The following DOCK4 variants were observed in gnomAD, a reference collection of about 807,000 sequenced individuals.
The protein encoded by DOCK4 is dedicator of cytokinesis protein 4.
In DOCK4, 97 loss-of-function variants were observed where a neutral mutation model predicts 268.1. The observed-to-expected ratio is 0.36, with a 90% CI of 0.31 to 0.43. The LOEUF is 0.43. Among genes scored for constraint, DOCK4 ranks in the 20% least tolerant of loss-of-function variants. The pLI, the probability that DOCK4 is intolerant of heterozygous loss-of-function variation, is 1.00. For missense variants in DOCK4, 2,145 were observed against 2,455.7 expected, an observed-to-expected ratio of 0.87 and a Z score of 2.67; for synonymous variants, 954 against 887.2, an observed-to-expected ratio of 1.08 and a Z score of -1.34.
At chr7:112,017,542 CTG>C (rs1801916383) in intron 1 of DOCK4, among the ~76,000 whole-genome samples, 1 of 152,226 alleles carries the variant, frequency 6.6e-6, no homozygotes, top group African/African-American at 2.4e-5. Context: ...TTCCTCAGTA[CTG>C]TGTTTCTCCA....
intron 1 of DOCK4, among the ~76,000 whole-genome samples, chr7:112,031,131 C>A (rs1042594301): frequency 3.3e-5 from 5 of 152,180 alleles, no homozygotes; most frequent in African/African-American, 1.2e-4. Flanking sequence ...ATCAAAGAAT[C>A]AGACACTAGC....
At chr7:112,181,792 T>A (rs1819070228) in intron 1 of DOCK4, among the ~76,000 whole-genome samples, 1 of 152,100 alleles carries the variant, frequency 6.6e-6, no homozygotes, top group African/African-American at 2.4e-5. Context: ...GATTGAACGG[T>A]ACGTGCACTT....
At chr7:111,896,113 A>G (rs1333838716) in intron 15 of DOCK4, among the ~76,000 whole-genome samples, 2 of 152,216 alleles carry the variant, frequency 1.3e-5, no homozygotes, top group East Asian at 1.9e-4. Context: ...AAGTGAATGA[A>G]TGAAAGTGAA....
chr7:112,204,115 C>A (rs1821176204), intron 1 of DOCK4, among the ~76,000 whole-genome samples: 1 of 152,118 alleles, frequency 6.6e-6, no homozygotes. Flanking sequence ...GAGGTGTCTG[C>A]TGCAGCCCAA....
At chr7:111,812,026 T>A in intron 27 of DOCK4, 77 bp from the exon 28 acceptor site, 1 of 744,550 alleles carries the variant, frequency 1.3e-6, no homozygotes, top group Non-Finnish European at 2.1e-6. Flanking sequence ...AAAAACCTAC[T>A]AAGATAAAAT....
chr7:112,179,212 C>A (rs1210008967), intron 1 of DOCK4, among the ~76,000 whole-genome samples: 1 of 152,032 alleles, frequency 6.6e-6, no homozygotes, highest in Non-Finnish European at 1.5e-5. Context: ...CATAGGGAGA[C>A]CCCTGTCTCT....
chr7:111,940,332 T>C (rs1795110157), intron 10 of DOCK4, 90 bp from the exon 11 acceptor site: 21 of 1,553,454 alleles, frequency 1.4e-5, no homozygotes, highest in Non-Finnish European at 1.7e-5. Flanking sequence ...AGATAGGCCA[T>C]TGAAATGTAA....
At chr7:111,761,248 T>G (rs981227501) in intron 39 of DOCK4, among the ~76,000 whole-genome samples, 1 of 152,092 alleles carries the variant, frequency 6.6e-6, no homozygotes, top group East Asian at 1.9e-4. Flanking sequence ...TTAGTAGAGA[T>G]GGGGTTTCAC....
intron 1 of DOCK4, among the ~76,000 whole-genome samples, chr7:112,025,820 G>T (rs1272130199): frequency 6.6e-6 from 1 of 152,050 alleles, no homozygotes; most frequent in East Asian, 1.9e-4. Flanking sequence ...GTTTCCTTCT[G>T]CTGAGAACAG....
chr7:112,140,524 A>G (rs1032367119), intron 1 of DOCK4, among the ~76,000 whole-genome samples: 2 of 151,824 alleles, frequency 1.3e-5, no homozygotes, highest in African/African-American at 4.8e-5. Flanking sequence ...ACATTTCAGT[A>G]TTTTAAGTTG....
chr7:111,898,199 A>G (rs1458817459), intron 15 of DOCK4, among the ~76,000 whole-genome samples: 1 of 152,186 alleles, frequency 6.6e-6, no homozygotes, highest in East Asian at 1.9e-4. Context: ...CACCTCTGCT[A>G]CCTTCCTGGT....
At chr7:112,193,699 C>T (rs950813161) in intron 1 of DOCK4, among the ~76,000 whole-genome samples, 3 of 152,082 alleles carry the variant, frequency 2.0e-5, no homozygotes, top group Middle Eastern at 3.4e-3. Flanking sequence ...ACACTAACTA[C>T]ATTGATTACA....
intron 1 of DOCK4, among the ~76,000 whole-genome samples, chr7:112,087,298 A>G (rs1342580279): frequency 6.6e-6 from 1 of 152,130 alleles, no homozygotes; most frequent in Non-Finnish European, 1.5e-5. Flanking sequence ...TTCAGCTGCT[A>G]GGTAATACAT....
At chr7:111,969,678 G>GAAAA (rs57980511) in intron 8 of DOCK4, among the ~76,000 whole-genome samples, 4 of 144,058 alleles carry the variant, frequency 2.8e-5, no homozygotes, top group Non-Finnish European at 4.5e-5. Context: ...AGTTGAACCA[G>GAAAA]AAAAAAAAAA....
chr7:111,970,644 C>G, intron 8 of DOCK4, among the ~76,000 whole-genome samples: 1 of 152,134 alleles, frequency 6.6e-6, no homozygotes, highest in Middle Eastern at 3.2e-3. Flanking sequence ...TTTTATAAAA[C>G]TAATAATTAT....
At chr7:112,028,218 C>T (rs1476421911) in intron 1 of DOCK4, among the ~76,000 whole-genome samples, 1 of 152,116 alleles carries the variant, frequency 6.6e-6, no homozygotes, top group Non-Finnish European at 1.5e-5. Flanking sequence ...AAAAGATTAA[C>T]CTGAAGAAGG....
chr7:111,949,393 G>A (rs764508633), intron 8 of DOCK4, among the ~76,000 whole-genome samples: 1 of 152,092 alleles, frequency 6.6e-6, no homozygotes, highest in East Asian at 1.9e-4. Context: ...GTATTCTATT[G>A]CAGAAACAGA....
intron 1 of DOCK4, among the ~76,000 whole-genome samples, chr7:112,033,313 G>GA (rs1289580756): frequency 6.6e-6 from 1 of 152,030 alleles, no homozygotes; most frequent in African/African-American, 2.4e-5. Context: ...AGAGAAAGGT[G>GA]AAAAAGCACA....
At chr7:111,742,997 A>AG (rs1322524032) in intron 44 of DOCK4, among the ~76,000 whole-genome samples, 1 of 152,088 alleles carries the variant, frequency 6.6e-6, no homozygotes, top group Non-Finnish European at 1.5e-5. Flanking sequence ...GTCTCCAAAA[A>AG]GAAAAAAAAA....
Sources: gnomAD v4.1 joint callset for allele counts (sites outside exome capture counted in the v4.1 genomes callset) on GRCh38, gnomAD v4.1.1 for gene constraint, MANE v1.5 for transcripts, NCBI Gene and HGNC (gene_info 2026-07-23, HGNC 2026-07-21) for gene names.